TRAF1: variants seen among roughly 807,000 people sequenced by gnomAD.
TRAF1 encodes TNF receptor-associated factor 1.
In TRAF1, 23 loss-of-function variants were observed where a neutral mutation model predicts 40.9. That is an observed-to-expected ratio of 0.56 (90% CI 0.40 to 0.80). The LOEUF is 0.80. Ranked by LOEUF, TRAF1 falls within the 30% of genes least tolerant of loss-of-function variation. TRAF1 has a pLI of 0.00. For synonymous variants in TRAF1, 206 were observed against 218.8 expected, an observed-to-expected ratio of 0.94 and a Z score of 0.52; for missense variants, 477 against 528.7, an observed-to-expected ratio of 0.90 and a Z score of 0.96.
chr9:120,915,846 T>A (rs982910560), intron 3 of TRAF1, among the ~76,000 whole-genome samples: 19 of 151,984 alleles, frequency 1.3e-4, no homozygotes, highest in East Asian at 7.7e-4. Flanking sequence ...TTAAAAAAAA[T>A]AAATGAATAA....
At chr9:120,924,139 C>A (rs556507153) in intron 2 of TRAF1, among the ~76,000 whole-genome samples, 4 of 152,072 alleles carry the variant, frequency 2.6e-5, no homozygotes, top group Non-Finnish European at 4.4e-5. Flanking sequence ...TACATGATGC[C>A]CTGATTTGCT....
chr9:120,904,486 TCC>T lies in TRAF1; in HGVS notation c.*532_*533del, dbSNP rs2131614950. The T allele has an allele frequency of 1.3e-5, 2 of 154,482 alleles. No homozygotes were observed. Among genetic ancestry groups the T allele is most frequent in the Admixed American group, 6.4e-5 (1 of 15,716 alleles). The allele number at this position is 154,482 out of a possible 1,614,324, so 9.6% of individuals were successfully genotyped here. On this transcript the variant is annotated 3_prime_UTR_variant, in exon 8 of 8. Coordinates refer to ENST00000373887, the MANE Select transcript of TRAF1 (RefSeq NM_005658.5). The stretch of plus-strand genomic sequence containing the variant: ...TTCAAATCCAACCCCCAATTTGAAG[TCC>T]TAGTGGAGCCGTCTGGGTTTGCTTG...
intron 2 of TRAF1, among the ~76,000 whole-genome samples, chr9:120,925,190 G>A (rs1258821894): frequency 6.6e-6 from 1 of 152,228 alleles, no homozygotes; most frequent in East Asian, 1.9e-4. Context: ...TAGTTTAAGG[G>A]CATATTTGCC....
intron 3 of TRAF1, among the ~76,000 whole-genome samples, chr9:120,916,097 T>C (rs541037674): frequency 6.6e-6 from 1 of 152,222 alleles, no homozygotes; most frequent in African/African-American, 2.4e-5. Flanking sequence ...AATTGGTCTA[T>C]ATATACTACA....
Position 120,903,269 on chromosome 9 carries a change from AAGCACT to A in TRAF1, c.*1745_*1750del, listed in dbSNP as rs2046453300. ...GCATGGACGACACCATTGCACATAA[AAGCACT>A]AGTGCTCCATTATTGCAGTTGGGCC... On this transcript the variant is annotated 3_prime_UTR_variant, in exon 8 of 8. Transcript: ENST00000373887. The A allele has an allele frequency of 6.6e-6, 1 of 152,196 alleles. No homozygotes were observed. The highest frequency in any genetic ancestry group is 6.5e-5 in the Admixed American group (1 of 15,272). 9.4% of individuals were successfully genotyped at this position (152,196 alleles called of 1,614,324 possible). A position where few individuals can be genotyped will look rare whatever the true frequency, so the allele number is the denominator to read the frequency against.
intron 3 of TRAF1, among the ~76,000 whole-genome samples, chr9:120,921,126 G>A (rs564977117): frequency 6.6e-6 from 1 of 152,122 alleles, no homozygotes; most frequent in Non-Finnish European, 1.5e-5. Context: ...AGGTCTGCCC[G>A]CATTAAAGAA....
At position 120,909,216 on chromosome 9, in the gene TRAF1, C is replaced by T. The variant is rs1202248635; in HGVS notation, c.1032+14G>A. 1.2e-6 allele frequency: 2 copies of T among 1,612,926 alleles called. No individual in the cohort carries two copies. Among genetic ancestry groups the T allele is most frequent in the South Asian group, 2.2e-5 (2 of 90,936 alleles). ...ATGCTCCCCACCTTACCCCCATCAC[C>T]TTCACACCCATACCTTGTTCCGGAA... On this transcript the variant is annotated intron_variant, in intron 7 of 7. Transcript: ENST00000373887.
chr9:120,914,702 CCCT>C (rs1216415391), intron 3 of TRAF1: 5 of 427,956 alleles, frequency 1.2e-5, no homozygotes, highest in Admixed American at 6.4e-5. Context: ...GTAAATGCCT[CCCT>C]CCTCCTGAAG....
In TRAF1 at chr9:120,910,559, C is replaced by T. The variant is rs151207414; in HGVS notation, c.883+777G>A. 9.2e-3 allele frequency among the ~76,000 whole-genome samples: 1,400 copies of T among 152,150 alleles called. 8 individuals are homozygous for T. The highest frequency in any genetic ancestry group is 0.021 in the South Asian group (103 of 4,810). On this transcript the variant is annotated intron_variant, in intron 6 of 7. Transcript: ENST00000373887. ...CACAGGTGCAGGCCACCATGCCTGGCTAATTTAAAAAAAATTTTGTGGAGA... is the reference window on the plus strand; with the variant it reads ...CACAGGTGCAGGCCACCATGCCTGGTTAATTTAAAAAAAATTTTGTGGAGA...
intron 2 of TRAF1, 144 bp downstream of exon 2, chr9:120,925,792 G>C (rs1398157791): frequency 8.5e-7 from 1 of 1,178,346 alleles, no homozygotes; most frequent in Non-Finnish European, 1.2e-6. Context: ...GTGTCAGGGA[G>C]TGTGAGAAAA....
chr9:120,924,244 G>T (rs75280178), intron 2 of TRAF1, among the ~76,000 whole-genome samples: 1 of 152,082 alleles, frequency 6.6e-6, no homozygotes. Context: ...CTTCTCATTT[G>T]GTCCTCCATT....
chr9:120,905,714 C>T (rs559806396), intron 7 of TRAF1, among the ~76,000 whole-genome samples: 7 of 152,328 alleles, frequency 4.6e-5, no homozygotes, highest in Middle Eastern at 6.8e-3. Flanking sequence ...GGGCTGTCAT[C>T]GATGTCCTGA....
chr9:120,912,438 C>T (rs939886013), intron 5 of TRAF1, among the ~76,000 whole-genome samples: 3 of 152,098 alleles, frequency 2.0e-5, no homozygotes, highest in Non-Finnish European at 2.9e-5. Context: ...AGGTGGATCA[C>T]GAGGTCAGGA....
chr9:120,929,043 G>A (rs1257296389), upstream of TRAF1: 1 of 152,276 alleles, frequency 6.6e-6, no homozygotes, highest in African/African-American at 2.4e-5. This position sits in a 1 kb window ranked among gnomAD's most constrained non-coding sequence, Gnocchi z 4.5. Context: ...GCTGGAGCGG[G>A]GAGTTCGGGG....
chr9:120,926,181 C>T lies in TRAF1; in HGVS notation c.-106G>A. Reference sequence around the variant, plus strand: ...CCTCACTCTCTGGTGAGTAGGAGCTCTGATGACTTTATCTTCTTCTCTCTG... The same window carrying T: ...CCTCACTCTCTGGTGAGTAGGAGCTTTGATGACTTTATCTTCTTCTCTCTG... On this transcript the variant is annotated 5_prime_UTR_variant, in exon 2 of 8. Coordinates refer to ENST00000373887, the MANE Select transcript of TRAF1 (RefSeq NM_005658.5). 8.0e-7 allele frequency: 1 copy of T among 1,254,990 alleles called. No homozygotes were observed. The highest frequency in any genetic ancestry group is 1.1e-6 in the Non-Finnish European group (1 of 935,630). 77.7% of individuals were successfully genotyped at this position (1,254,990 alleles called of 1,614,324 possible).
chr9:120,908,247 C>T (rs2046498216), intron 7 of TRAF1, among the ~76,000 whole-genome samples: 1 of 152,056 alleles, frequency 6.6e-6, no homozygotes, highest in Admixed American at 6.6e-5. Context: ...TTGATTTGTC[C>T]ATTATGTAAA....
At chr9:120,916,568 T>C (rs1176095348) in intron 3 of TRAF1, among the ~76,000 whole-genome samples, 4 of 151,924 alleles carry the variant, frequency 2.6e-5, no homozygotes, top group African/African-American at 7.3e-5. Flanking sequence ...ACTGAGCAAA[T>C]ACAAAAAGTC....
rs150753018 is a variant in TRAF1, at chr9:120,925,938, C to T, written c.138G>A (p.Pro46=). 3.5e-3 allele frequency: 5,596 copies of T among 1,613,900 alleles called. 19 individuals are homozygous for T. The highest frequency in any genetic ancestry group is 4.0e-3 in the Non-Finnish European group (4,689 of 1,179,866). Residue 46 remains proline, a splice_region_variant and synonymous_variant, in exon 2 of 8, where the codon CCG becomes CCA. Transcript: ENST00000373887. ...CCTCCGCTCCTCCATCACCTCACCT[C>T]GGGTTCTCAGAGAGACAGCCTGCAC... The part of the protein sequence containing the change: ...LCCAGCLSEN[P]RNGEDQICPK...
intron 5 of TRAF1, among the ~76,000 whole-genome samples, chr9:120,912,191 C>T (rs1390953323): frequency 6.6e-6 from 1 of 152,164 alleles, no homozygotes; most frequent in Admixed American, 6.5e-5. Context: ...GTGACTTGCT[C>T]AGACCCACAC....
Sources: gnomAD v4.1 joint callset for allele counts (sites outside exome capture counted in the v4.1 genomes callset) on GRCh38, gnomAD v4.1.1 for gene constraint, Gnocchi (gnomAD v3.1) non-coding constraint, MANE v1.5 for transcripts, NCBI Gene and HGNC (gene_info 2026-07-23, HGNC 2026-07-21) for gene names.